The following RICTOR variants were observed in gnomAD, a reference collection of about 807,000 sequenced individuals.
RICTOR encodes RPTOR independent companion of MTOR complex 2.
Under a neutral mutation model 214.9 loss-of-function variants are expected in RICTOR, and 49 were observed. The ratio of observed to expected loss-of-function variants is 0.23; its 90% CI spans 0.18 to 0.29. The LOEUF (loss-of-function observed/expected upper bound fraction) is 0.29. Ranked by LOEUF, RICTOR falls within the 10% of genes least tolerant of loss-of-function variation. RICTOR has a pLI of 1.00. For missense variants in RICTOR, 1,625 were observed against 2,047.0 expected (o/e 0.79, Z 3.98); for synonymous variants, 717 against 711.3 (o/e 1.01, Z -0.13).
intron 19 of RICTOR, 151 bp downstream of exon 19, chr5:38,962,164 C>CT (rs1749847217): frequency 3.9e-6 from 1 of 254,026 alleles, no homozygotes; most frequent in Non-Finnish European, 6.8e-6. Context: ...TAAAATAAGA[C>CT]TATATTAAAA....
chr5:39,001,584 A>G (rs1336293179), intron 5 of RICTOR, among the ~76,000 whole-genome samples: 1 of 152,158 alleles, frequency 6.6e-6, no homozygotes, highest in Non-Finnish European at 1.5e-5. Context: ...ACCCATTAAA[A>G]GAATGAAGAG....
intron 3 of RICTOR, among the ~76,000 whole-genome samples, chr5:39,016,340 G>A (rs530125398): frequency 6.6e-6 from 1 of 151,092 alleles, no homozygotes; most frequent in African/African-American, 2.4e-5. Flanking sequence ...GAAGGGGGGA[G>A]AGGGAACTGA....
chr5:39,057,472 A>ACGGT (rs1204163787), intron 2 of RICTOR, among the ~76,000 whole-genome samples: 7 of 152,170 alleles, frequency 4.6e-5, no homozygotes, highest in Non-Finnish European at 1.5e-5. Flanking sequence ...ATCATGTGGA[A>ACGGT]CGGTCACTGG....
intron 2 of RICTOR, among the ~76,000 whole-genome samples, chr5:39,029,293 T>C (rs532965281): frequency 2.0e-5 from 3 of 152,244 alleles, no homozygotes; most frequent in African/African-American, 7.2e-5. Context: ...AACACACACA[T>C]ATACAAAGAT....
At position 38,964,864 on chromosome 5, in the gene RICTOR, C is replaced by G; in HGVS notation, c.1328G>C (p.Ser443Thr). Residue 443 changes from serine (S) to threonine (T), a missense_variant, in exon 16 of 38, where the codon AGC (serine) becomes ACC (threonine). This residue lies in a region of RICTOR where 1,214 missense variants were observed against 1,470.5 expected (regional missense o/e 0.83). Transcript: ENST00000357387. ...GGTTGGCAAGCAGTGTAAATGATGG[C>G]TATGTGAATGAGGAAGAATTGTGTT... Reference protein sequence around the residue: ...MANTILPHSHSHHLHCLPTLM... With the variant: ...MANTILPHSHTHHLHCLPTLM... 1 of 1,606,562 alleles carries G rather than the reference C, an allele frequency of 6.2e-7. No homozygotes were observed. Among genetic ancestry groups the G allele is most frequent in the Non-Finnish European group, 8.5e-7 (1 of 1,175,002 alleles).
At chr5:39,042,629 A>C (rs1757247521) in intron 2 of RICTOR, among the ~76,000 whole-genome samples, 1 of 152,200 alleles carries the variant, frequency 6.6e-6, no homozygotes, top group Non-Finnish European at 1.5e-5. Context: ...ACCGGTTTAT[A>C]ATTACACACT....
intron 2 of RICTOR, among the ~76,000 whole-genome samples, chr5:39,070,227 A>C (rs1759209976): frequency 6.6e-6 from 1 of 152,150 alleles, no homozygotes; most frequent in African/African-American, 2.4e-5. Context: ...GCACTTTGGG[A>C]GGCCGAGGCG....
chr5:39,064,268 G>A (rs1410918970), intron 2 of RICTOR, among the ~76,000 whole-genome samples: 1 of 152,168 alleles, frequency 6.6e-6, no homozygotes, highest in African/African-American at 2.4e-5. Context: ...ATCTGTAGAT[G>A]ACCCAAAAAG....
intron 8 of RICTOR, 118 bp downstream of exon 8, chr5:38,981,749 G>A (rs1418189871): frequency 9.5e-6 from 6 of 629,482 alleles, no homozygotes; most frequent in Admixed American, 3.0e-5. Context: ...AATTAGTGTC[G>A]GCTAATTTAG....
intron 30 of RICTOR, 105 bp downstream of exon 30, chr5:38,952,091 T>A: frequency 1.4e-6 from 1 of 701,674 alleles, no homozygotes; most frequent in Non-Finnish European, 2.4e-6. Context: ...AATAATTATC[T>A]TAGACAAAAG....
intron 11 of RICTOR, chr5:38,970,175 T>C (rs916283109): frequency 6.6e-6 from 1 of 152,190 alleles, no homozygotes; most frequent in Admixed American, 6.5e-5. Context: ...TACTCTGGGA[T>C]GTTCACAGGA....
At position 38,950,402 on chromosome 5, in the gene RICTOR, G is replaced by A. The variant is rs770337816; in HGVS notation, c.3446C>T (p.Pro1149Leu). 3.1e-6 allele frequency: 5 copies of A among 1,612,774 alleles called. No individual in the cohort carries two copies. The South Asian group carries it at 5.5e-5, about 18-fold the overall frequency. The stretch of plus-strand genomic sequence containing the variant: ...TAATGTTTTCTGTACAGTGGATATG[G>A]GTGTAAAATCATCACTATGATTAAA... ...VDFNHSDDFT[P>L]ISTVQKTLQL... The change falls in exon 31 of 38, where the codon CCC becomes CTC. Residue 1149 changes from proline (P) to leucine (L), a missense_variant. Physicochemically the swap from Pro to Leu is moderately conservative, Grantham distance 98 (BLOSUM62 -3). Transcript: ENST00000357387.
In RICTOR at chr5:38,958,392, T is replaced by C; in HGVS notation, c.2420+51A>G. On this transcript the variant is annotated intron_variant, in intron 24 of 37. Coordinates refer to ENST00000357387, the MANE Select transcript of RICTOR (RefSeq NM_152756.5). ...ATTTGAATCTATCTTTAATATACAC[T>C]GCCAAAGAACACAACAAAAAAACAT... The C allele has an allele frequency of 1.7e-6, 2 of 1,181,774 alleles. 1 individual carries two copies. Among genetic ancestry groups the C allele is most frequent in the South Asian group, 2.4e-5 (2 of 82,182 alleles). The allele number at this position is 1,181,774 out of a possible 1,614,324, so 73.2% of individuals were successfully genotyped here. A position where few individuals can be genotyped will look rare whatever the true frequency, so the allele number is the denominator to read the frequency against.
chr5:39,034,463 CGGATGCAGGACAGT>C (rs1198994760), intron 2 of RICTOR, among the ~76,000 whole-genome samples: 1 of 152,198 alleles, frequency 6.6e-6, no homozygotes, highest in African/African-American at 2.4e-5. Flanking sequence ...TGCCGGACAG[CGGATGCAGGACAGT>C]GGGTGCAGCG....
intron 29 of RICTOR, among the ~76,000 whole-genome samples, chr5:38,952,780 T>C (rs1748905709): frequency 6.6e-6 from 1 of 151,976 alleles, no homozygotes; most frequent in Non-Finnish European, 1.5e-5. Context: ...CAAGGTAAAC[T>C]TCAATATAAT....
chr5:39,047,600 C>G (rs547016813), intron 2 of RICTOR, among the ~76,000 whole-genome samples: 1 of 152,230 alleles, frequency 6.6e-6, no homozygotes, highest in South Asian at 2.1e-4. Context: ...GTGTTTTGTA[C>G]AACATTACCT....
rs116625415 is a variant in RICTOR, at chr5:39,066,473, C to T, written c.97+7638G>A. Among the ~76,000 whole-genome samples the T allele has an allele frequency of 7.8e-3, 1,187 of 152,326 alleles. 22 individuals carry two copies. Among genetic ancestry groups the T allele is most frequent in the African/African-American group, 0.028 (1,155 of 41,570 alleles). ...TTCTCCAACTTCACGGATATCAGCA[C>T]TTTGGCATGTGTTTAATTATGCAAA... On this transcript the variant is annotated intron_variant, in intron 2 of 37. Transcript: ENST00000357387.
chr5:39,003,506 T>TAAAATTACTAAAATC (rs1377468970), intron 4 of RICTOR, 52 bp downstream of exon 4: 1 of 1,181,050 alleles, frequency 8.5e-7, no homozygotes, highest in Non-Finnish European at 1.2e-6. Context: ...TTACTAAAAT[T>TAAAATTACTAAAATC]AAAATTACTA....
rs1747240913 is a variant in RICTOR at position 38,938,921 on chromosome 5, T to C, written c.*3383A>G. The stretch of plus-strand genomic sequence containing the variant: ...AAAGTCTCTCAATTTTACCTTTTCT[T>C]TTTTCCCCATGTTTTAATGGATTGT... On this transcript the variant is annotated 3_prime_UTR_variant, in exon 38 of 38. Coordinates refer to ENST00000357387, the MANE Select transcript of RICTOR (RefSeq NM_152756.5). 8.6e-6 allele frequency: 2 copies of C among 232,974 alleles called. No homozygotes were observed. Among genetic ancestry groups the C allele is most frequent in the Non-Finnish European group, 1.7e-5 (2 of 117,712 alleles). The allele number at this position is 232,974 out of a possible 1,614,324, so 14.4% of individuals were successfully genotyped here. A position where few individuals can be genotyped will look rare whatever the true frequency, so the allele number is the denominator to read the frequency against.
Sources: allele counts gnomAD v4.1 joint callset (sites outside exome capture counted in the v4.1 genomes callset), GRCh38; gene constraint gnomAD v4.1.1; regional missense constraint gnomAD v4.1.1; transcripts MANE v1.5; gene names NCBI Gene and HGNC (gene_info 2026-07-23, HGNC 2026-07-21).